The following CCDC85C variants were observed in gnomAD, a reference collection of about 807,000 sequenced individuals.
The protein encoded by CCDC85C is coiled-coil domain containing 85C.
In CCDC85C, 18 loss-of-function variants were observed where a neutral mutation model predicts 38.3. That is an observed-to-expected ratio of 0.47 (90% CI 0.33 to 0.70). The LOEUF (loss-of-function observed/expected upper bound fraction) is 0.70. Ranked by LOEUF, CCDC85C falls within the 30% of genes least tolerant of loss-of-function variation. The probability of loss-of-function intolerance (pLI) is 0.03; values close to 1 mark genes in which losing one functional copy is unlikely to be tolerated. For missense variants in CCDC85C, 566 were observed against 621.2 expected, an observed-to-expected ratio of 0.91 and a Z score of 0.94; for synonymous variants, 264 against 293.8, an observed-to-expected ratio of 0.90 and a Z score of 1.04.
chr14:99,551,524 CGTGAGTGTGCAGGTGGGTGGGCAG>C (rs1311248073), intron 1 of CCDC85C, among the ~76,000 whole-genome samples: 2 of 137,286 alleles, frequency 1.5e-5, no homozygotes, highest in Non-Finnish European at 3.1e-5. Flanking sequence ...CAGGTGAGTA[CGTGAGTGTGCAGGTGGGTGGGCAG>C]GTGAGTGTGC....
intron 1 of CCDC85C, among the ~76,000 whole-genome samples, chr14:99,574,737 C>G (rs1329355500): frequency 6.6e-6 from 1 of 152,228 alleles, no homozygotes; most frequent in Non-Finnish European, 1.5e-5. Context: ...CCGAGGGGCA[C>G]CAGCCGGGTC....
intron 1 of CCDC85C, among the ~76,000 whole-genome samples, chr14:99,586,967 C>T (rs781418188): frequency 2.6e-5 from 4 of 152,338 alleles, no homozygotes; most frequent in Admixed American, 1.3e-4. Flanking sequence ...GCCCTCCTAC[C>T]GGGGACCTGC....
At position 99,507,434 on chromosome 14, in the gene CCDC85C, A is replaced by C; in HGVS notation, c.*7812T>G. 1 of 413,286 alleles carries C rather than the reference A, an allele frequency of 2.4e-6. No individual in the cohort carries two copies. Among genetic ancestry groups the C allele is most frequent in the South Asian group, 2.3e-5 (1 of 44,418 alleles). The allele number at this position is 413,286 out of a possible 1,614,324, so 25.6% of individuals were successfully genotyped here. A position where few individuals can be genotyped will look rare whatever the true frequency, so the allele number is the denominator to read the frequency against. On this transcript the variant is annotated 3_prime_UTR_variant, in exon 6 of 6. Coordinates refer to ENST00000380243, the MANE Select transcript of CCDC85C (RefSeq NM_001144995.2). ...TAAAAAATTAGCCAGGTGTGGTAGC[A>C]CACACCTGTAGTCCCAACTACTTAG...
At chr14:99,571,469 T>C (rs921963153) in intron 1 of CCDC85C, among the ~76,000 whole-genome samples, 4 of 152,178 alleles carry the variant, frequency 2.6e-5, no homozygotes, top group Non-Finnish European at 5.9e-5. Context: ...TGCCGTTCTG[T>C]AGGCCCCACT....
In CCDC85C at chr14:99,604,111, C is replaced by G. The variant is rs913275135; in HGVS notation, c.-152G>C. On this transcript the variant is annotated 5_prime_UTR_variant, in exon 1 of 6. Coordinates refer to ENST00000380243, the MANE Select transcript of CCDC85C (RefSeq NM_001144995.2). Reference sequence around the variant, plus strand: ...CCGCCTGGCGCGTCCTCTCGCCGCGCCCGCCGGGGCCGCCCGGGAGCCCGC... The same window carrying G: ...CCGCCTGGCGCGTCCTCTCGCCGCGGCCGCCGGGGCCGCCCGGGAGCCCGC... 1,889 of 754,720 alleles carry G rather than the reference C, an allele frequency of 2.5e-3. 7 individuals are homozygous for G. The highest frequency in any genetic ancestry group is 2.9e-3 in the Non-Finnish European group (1,805 of 622,714). The allele number at this position is 754,720 out of a possible 1,614,324, so 46.8% of individuals were successfully genotyped here. A position where few individuals can be genotyped will look rare whatever the true frequency, so the allele number is the denominator to read the frequency against.
At position 99,501,588 on chromosome 14, in the gene CCDC85C, G is replaced by C. The variant is rs1013640614; in HGVS notation, c.*13658C>G. The C allele has an allele frequency of 1.7e-6, 1 of 582,866 alleles. No homozygotes were observed. Among genetic ancestry groups the C allele is most frequent in the Admixed American group, 3.2e-5 (1 of 31,156 alleles). The allele number at this position is 582,866 out of a possible 1,614,324, so 36.1% of individuals were successfully genotyped here. On this transcript the variant is annotated 3_prime_UTR_variant, in exon 6 of 6. Transcript: ENST00000380243. ...TCCAGGTCATCTGCTTCCCGGCAGAGGGTTTCCTTCTGCCCTGCCGTGTCA... is the reference window on the plus strand; with the variant it reads ...TCCAGGTCATCTGCTTCCCGGCAGACGGTTTCCTTCTGCCCTGCCGTGTCA...
rs1566778348 is a variant in CCDC85C, at chr14:99,572,650, C to T, written c.793+30517G>A. The T allele has an allele frequency of 4.4e-6, 2 of 455,800 alleles. No homozygotes were observed. The highest frequency in any genetic ancestry group is 3.3e-4 in the Middle Eastern group (1 of 3,040). The allele number at this position is 455,800 out of a possible 1,614,324, so 28.2% of individuals were successfully genotyped here. A position where few individuals can be genotyped will look rare whatever the true frequency, so the allele number is the denominator to read the frequency against. Reference sequence around the variant, plus strand: ...CGACAGCTGCTTATCATCCAAGCCCCAGGTGACCTGGCCCCTCCTTAAGAG... The same window carrying T: ...CGACAGCTGCTTATCATCCAAGCCCTAGGTGACCTGGCCCCTCCTTAAGAG... On this transcript the variant is annotated intron_variant, in intron 1 of 5. Coordinates refer to ENST00000380243, the MANE Select transcript of CCDC85C (RefSeq NM_001144995.2). This position sits in a 1 kb window ranked among gnomAD's most constrained non-coding sequence, Gnocchi z 4.4.
chr14:99,561,375 C>T (rs995197434), intron 1 of CCDC85C, among the ~76,000 whole-genome samples: 1 of 152,216 alleles, frequency 6.6e-6, no homozygotes, highest in African/African-American at 2.4e-5. Flanking sequence ...GAGTGGACAG[C>T]CCCGTGACCA....
chr14:99,553,917 C>T (rs1157931662), intron 1 of CCDC85C, among the ~76,000 whole-genome samples: 2 of 152,174 alleles, frequency 1.3e-5, no homozygotes, highest in Non-Finnish European at 2.9e-5. Flanking sequence ...TGGGCTCAAA[C>T]TTGGGGGACA....
chr14:99,502,296 T>C lies in CCDC85C; in HGVS notation c.*12950A>G. 6.2e-7 allele frequency: 1 copy of C among 1,612,910 alleles called. No homozygotes were observed. On this transcript the variant is annotated 3_prime_UTR_variant, in exon 6 of 6. Transcript: ENST00000380243. ...GCAGGACGTTTGTGCAAATTTGAAA[T>C]ACAAGAATGGACCTCCAAACCCATG...
At chr14:99,586,751 T>A (rs1017244406) in intron 1 of CCDC85C, among the ~76,000 whole-genome samples, 1 of 152,152 alleles carries the variant, frequency 6.6e-6, no homozygotes, top group Non-Finnish European at 1.5e-5. Context: ...ACAACAGCAA[T>A]GTGTCGGCGG....
Position 99,572,444 on chromosome 14 carries a change from A to G in CCDC85C, c.793+30723T>C, listed in dbSNP as rs1296793160. Among the ~76,000 whole-genome samples the G allele has an allele frequency of 6.6e-6, 1 of 151,976 alleles. No individual in the cohort carries two copies. The highest frequency in any genetic ancestry group is 2.4e-5 in the African/African-American group (1 of 41,382). Reference sequence around the variant, plus strand: ...ACCCCAAGGCCCTGCTCCACAGGGAAGCCAGAGGGCCTCACAAGTATAAAT... The same window carrying G: ...ACCCCAAGGCCCTGCTCCACAGGGAGGCCAGAGGGCCTCACAAGTATAAAT... On this transcript the variant is annotated intron_variant, in intron 1 of 5. Coordinates refer to ENST00000380243, the MANE Select transcript of CCDC85C (RefSeq NM_001144995.2). This position sits in a 1 kb window ranked among gnomAD's most constrained non-coding sequence, Gnocchi z 4.4.
At chr14:99,599,423 G>A (rs1057426166) in intron 1 of CCDC85C, among the ~76,000 whole-genome samples, 25 of 152,116 alleles carry the variant, frequency 1.6e-4, no homozygotes, top group African/African-American at 5.8e-4. Context: ...GGAGACAGGC[G>A]GAGGGGCAGC....
At chr14:99,529,527 C>A (rs1225884264) in intron 2 of CCDC85C, among the ~76,000 whole-genome samples, 1 of 152,198 alleles carries the variant, frequency 6.6e-6, no homozygotes, top group African/African-American at 2.4e-5. Context: ...CTCAGCCTCC[C>A]AAGCAGCTGG....
rs1344203526 is a variant in CCDC85C, at chr14:99,516,050, C to T, written c.1170+138G>A. On this transcript the variant is annotated intron_variant, in intron 5 of 5. Transcript: ENST00000380243. This position sits in a 1 kb window ranked among gnomAD's most constrained non-coding sequence, Gnocchi z 5.5. Reference sequence around the variant, plus strand: ...CTCCTAGCACCTCTGAGGCCTCCCCCCAGCTATCCAAGGTCACCCAGCCTT... The same window carrying T: ...CTCCTAGCACCTCTGAGGCCTCCCCTCAGCTATCCAAGGTCACCCAGCCTT... The T allele has an allele frequency of 2.8e-6, 2 of 712,670 alleles. No individual in the cohort carries two copies. Among genetic ancestry groups the T allele is most frequent in the Non-Finnish European group, 4.9e-6 (2 of 412,262 alleles). 44.1% of individuals were successfully genotyped at this position (712,670 alleles called of 1,614,324 possible).
chr14:99,582,834 A>G (rs2054988290), intron 1 of CCDC85C, among the ~76,000 whole-genome samples: 1 of 152,156 alleles, frequency 6.6e-6, no homozygotes, highest in African/African-American at 2.4e-5. Flanking sequence ...AAAAAAAGTT[A>G]AGTAAAAACT....
At chr14:99,579,933 G>GC (rs2054947138) in intron 1 of CCDC85C, 10 of 255,084 alleles carry the variant, frequency 3.9e-5, no homozygotes, top group Admixed American at 1.4e-4. Context: ...GTCTGGCTCA[G>GC]TCCAAGACTT....
intron 1 of CCDC85C, among the ~76,000 whole-genome samples, chr14:99,542,240 G>A (rs1243507331): frequency 6.6e-6 from 1 of 152,188 alleles, no homozygotes; most frequent in Non-Finnish European, 1.5e-5. Context: ...CTCATTAAAC[G>A]AACACGTACT....
intron 3 of CCDC85C, among the ~76,000 whole-genome samples, chr14:99,519,655 C>T (rs1897277129): frequency 6.6e-6 from 1 of 152,140 alleles, no homozygotes; most frequent in South Asian, 2.1e-4. Flanking sequence ...GGAAACGATC[C>T]AAATGTACAG....
Sources: gnomAD v4.1 joint callset for allele counts (sites outside exome capture counted in the v4.1 genomes callset) on GRCh38, gnomAD v4.1.1 for gene constraint, Gnocchi (gnomAD v3.1) non-coding constraint, MANE v1.5 for transcripts, NCBI Gene and HGNC (gene_info 2026-07-23, HGNC 2026-07-21) for gene names.